Variants in ARHGAP24 observed in about 807,000 individuals in gnomAD.
ARHGAP24 encodes rho GTPase-activating protein 24.
ARHGAP24 carries 50 observed loss-of-function variants against 76.4 expected under a neutral mutation model. The observed-to-expected ratio is 0.65, with a 90% CI of 0.52 to 0.83. ARHGAP24 has a LOEUF of 0.83. Among genes scored for constraint, ARHGAP24 ranks in the 40% least tolerant of loss-of-function variants. The probability of loss-of-function intolerance (pLI) is 0.00; values close to 1 mark genes in which losing one functional copy is unlikely to be tolerated. For missense variants in ARHGAP24, 930 were observed against 914.2 expected (o/e 1.02, Z -0.22); for synonymous variants, 345 against 323.3 (o/e 1.07, Z -0.72).
At chr4:85,865,698 A>G (rs1313681072) in intron 3 of ARHGAP24, among the ~76,000 whole-genome samples, 1 of 151,470 alleles carries the variant, frequency 6.6e-6, no homozygotes, top group African/African-American at 2.4e-5. Context: ...TATTGAAATC[A>G]AGCTGTATAA....
At chr4:85,677,219 A>T (rs1349470338) in intron 2 of ARHGAP24, among the ~76,000 whole-genome samples, 1 of 152,208 alleles carries the variant, frequency 6.6e-6, no homozygotes, top group Non-Finnish European at 1.5e-5. Context: ...TCCTCCTCAC[A>T]ACATCTTAAT....
intron 2 of ARHGAP24, among the ~76,000 whole-genome samples, chr4:85,711,622 A>AACTT (rs1724530681): frequency 6.6e-6 from 1 of 152,170 alleles, no homozygotes; most frequent in African/African-American, 2.4e-5. Context: ...CTCCCTATGA[A>AACTT]ACTTTCTAAA....
At chr4:85,824,041 T>C (rs1337322052) in intron 3 of ARHGAP24, among the ~76,000 whole-genome samples, 1 of 152,146 alleles carries the variant, frequency 6.6e-6, no homozygotes, top group Non-Finnish European at 1.5e-5. Flanking sequence ...AAAAACACAA[T>C]TATATTTAGA....
At chr4:85,526,199 G>A (rs377502395) in intron 1 of ARHGAP24, among the ~76,000 whole-genome samples, 3 of 151,874 alleles carry the variant, frequency 2.0e-5, no homozygotes, top group Admixed American at 6.6e-5. Context: ...TGGCCTGAGC[G>A]AAGTGTTTAA....
At chr4:85,890,334 T>A (rs1341098171) in intron 3 of ARHGAP24, among the ~76,000 whole-genome samples, 1 of 152,224 alleles carries the variant, frequency 6.6e-6, no homozygotes, top group Non-Finnish European at 1.5e-5. Context: ...CACAAACCCT[T>A]ACTGAGTTCC....
At chr4:85,888,064 TCA>T in intron 3 of ARHGAP24, among the ~76,000 whole-genome samples, 1 of 152,050 alleles carries the variant, frequency 6.6e-6, no homozygotes, top group Admixed American at 6.6e-5. Flanking sequence ...AAATGAGGCC[TCA>T]TTTGAATTTC....
chr4:85,479,896 G>C (rs1168424526), intron 1 of ARHGAP24, among the ~76,000 whole-genome samples: 1 of 152,232 alleles, frequency 6.6e-6, no homozygotes, highest in Admixed American at 6.5e-5. Context: ...GAATTCATAC[G>C]TGTGGTTCAG....
At chr4:85,604,951 G>A (rs373734632) in intron 2 of ARHGAP24, among the ~76,000 whole-genome samples, 6 of 152,216 alleles carry the variant, frequency 3.9e-5, no homozygotes, top group East Asian at 3.9e-4. Flanking sequence ...TGATCTGCCC[G>A]CATTGGCCTC....
intron 3 of ARHGAP24, among the ~76,000 whole-genome samples, chr4:85,863,172 AT>A (rs941487324): frequency 4.0e-5 from 6 of 151,852 alleles, no homozygotes; most frequent in Non-Finnish European, 5.9e-5. Flanking sequence ...CACAACAAGG[AT>A]TTTTTTTAAC....
At chr4:85,756,294 AAG>A (rs1243437195) in intron 3 of ARHGAP24, among the ~76,000 whole-genome samples, 1 of 152,202 alleles carries the variant, frequency 6.6e-6, no homozygotes, top group Non-Finnish European at 1.5e-5. Context: ...TTAATCAAGA[AAG>A]AATACATTTT....
chr4:85,580,564 C>T (rs1727566490), intron 2 of ARHGAP24, among the ~76,000 whole-genome samples: 2 of 152,140 alleles, frequency 1.3e-5, no homozygotes, highest in African/African-American at 4.8e-5. Context: ...TTGCAGGCCC[C>T]TCCACATGGC....
chr4:85,984,588 A>T (rs970422438), intron 8 of ARHGAP24, among the ~76,000 whole-genome samples: 14 of 152,148 alleles, frequency 9.2e-5, no homozygotes, highest in Non-Finnish European at 1.5e-5. Context: ...CTTGTTGGGG[A>T]CACAAACATT....
chr4:85,871,607 A>T (rs1732527619), intron 3 of ARHGAP24, among the ~76,000 whole-genome samples: 1 of 152,206 alleles, frequency 6.6e-6, no homozygotes, highest in Non-Finnish European at 1.5e-5. Context: ...ACTCCTGCTT[A>T]CCTGACCCAA....
intron 3 of ARHGAP24, among the ~76,000 whole-genome samples, chr4:85,777,077 A>G (rs1727336790): frequency 6.6e-6 from 1 of 152,174 alleles, no homozygotes; most frequent in Admixed American, 6.5e-5. Flanking sequence ...TGTGTCAAAA[A>G]CCATGGTTTT....
intron 2 of ARHGAP24, among the ~76,000 whole-genome samples, chr4:85,671,067 AG>A (rs1260121259): frequency 2.0e-5 from 3 of 152,212 alleles, no homozygotes; most frequent in African/African-American, 7.2e-5. Context: ...TATGACATAT[AG>A]AACCCTACGT....
chr4:85,771,316 G>A (rs192818813), intron 3 of ARHGAP24, among the ~76,000 whole-genome samples: 2 of 152,340 alleles, frequency 1.3e-5, no homozygotes, highest in African/African-American at 2.4e-5. Flanking sequence ...ACCCAATGGT[G>A]TAAATCCCAG....
At chr4:85,771,797 C>T (rs1276104931) in intron 3 of ARHGAP24, among the ~76,000 whole-genome samples, 1 of 152,164 alleles carries the variant, frequency 6.6e-6, no homozygotes, top group Non-Finnish European at 1.5e-5. Context: ...GCAACCTCTG[C>T]CTCCCGGGTT....
Position 85,595,799 on chromosome 4 carries a change from G to A in ARHGAP24, c.180+25078G>A, listed in dbSNP as rs150132396. Among the ~76,000 whole-genome samples, 235 of 152,132 alleles carry A rather than the reference G, an allele frequency of 1.5e-3. 1 individual carries two copies. Among genetic ancestry groups the A allele is most frequent in the African/African-American group, 5.3e-3 (222 of 41,532 alleles). On this transcript the variant is annotated intron_variant, in intron 2 of 9. Coordinates refer to ENST00000395184, the MANE Select transcript of ARHGAP24 (RefSeq NM_001025616.3). ...TATATAAACTATATTCACTTCCTAA[G>A]GAGTCTGATAACTAATGCTAGGTAT...
chr4:85,513,559 T>TA (rs33971400), intron 1 of ARHGAP24, among the ~76,000 whole-genome samples: 20,891 of 151,358 alleles, frequency 0.14, 1,544 homozygotes, highest in African/African-American at 0.21. Context: ...GCCTTTTTTT[T>TA]AAAAAAAAAA....
Sources: allele counts gnomAD v4.1 joint callset (sites outside exome capture counted in the v4.1 genomes callset), GRCh38; gene constraint gnomAD v4.1.1; transcripts MANE v1.5; gene names NCBI Gene and HGNC (gene_info 2026-07-23, HGNC 2026-07-21).